ACBD5: variants seen among roughly 807,000 people sequenced by gnomAD.
ACBD5 encodes the protein acyl-CoA-binding domain-containing protein 5.
ACBD5 carries 40 observed loss-of-function variants against 71.8 expected under a neutral mutation model. The ratio of observed to expected loss-of-function variants is 0.56; its 90% confidence interval spans 0.43 to 0.72. The LOEUF (loss-of-function observed/expected upper bound fraction) is 0.72. Ranked by LOEUF, ACBD5 falls within the 30% of genes least tolerant of loss-of-function variation. The pLI, the probability that ACBD5 is intolerant of heterozygous loss-of-function variation, is 0.00. For missense variants in ACBD5, 559 were observed against 644.5 expected, an observed-to-expected ratio of 0.87 and a Z score of 1.44; for synonymous variants, 229 against 218.6, an observed-to-expected ratio of 1.05 and a Z score of -0.42.
intron 7 of ACBD5, among the ~76,000 whole-genome samples, chr10:27,216,936 G>A (rs908051347): frequency 1.3e-5 from 2 of 151,764 alleles, no homozygotes; most frequent in Admixed American, 6.6e-5. Context: ...CACAAGGTCA[G>A]GAGATCGAGA....
intron 5 of ACBD5, among the ~76,000 whole-genome samples, chr10:27,220,754 A>T (rs1049620895): frequency 2.6e-5 from 4 of 152,180 alleles, no homozygotes; most frequent in African/African-American, 9.7e-5. Flanking sequence ...TTGAAAAATA[A>T]CAAAATTGGA....
chr10:27,227,015 T>TTTTTTC, intron 4 of ACBD5, among the ~76,000 whole-genome samples: 1 of 141,300 alleles, frequency 7.1e-6, no homozygotes, highest in Non-Finnish European at 1.6e-5. Context: ...TGCGATTTTT[T>TTTTTTC]TTTTTTTTTT....
intron 3 of ACBD5, among the ~76,000 whole-genome samples, chr10:27,234,606 A>G (rs1477526355): frequency 1.3e-5 from 2 of 152,104 alleles, no homozygotes; most frequent in Non-Finnish European, 2.9e-5. Context: ...CTCCTCCCCA[A>G]GATTTTCCTA....
At chr10:27,227,976 G>A (rs906424871) in intron 4 of ACBD5, among the ~76,000 whole-genome samples, 21 of 151,814 alleles carry the variant, frequency 1.4e-4, no homozygotes, top group African/African-American at 5.1e-4. Flanking sequence ...GCCTCCCAAA[G>A]TGCTGGGATT....
At chr10:27,222,001 T>C (rs1296946037) in intron 5 of ACBD5, among the ~76,000 whole-genome samples, 1 of 151,650 alleles carries the variant, frequency 6.6e-6, no homozygotes, top group African/African-American at 2.4e-5. Context: ...TAAGAAGGAC[T>C]ACTTGTTAAT....
At chr10:27,232,369 C>T (rs2063994798) in intron 3 of ACBD5, 1 of 149,500 alleles carries the variant, frequency 6.7e-6, no homozygotes, top group African/African-American at 2.5e-5. Flanking sequence ...CGCTCTGTTG[C>T]CCAGGCTGGA....
chr10:27,204,375 G>A, intron 12 of ACBD5, 65 bp downstream of exon 12: 1 of 1,228,424 alleles, frequency 8.1e-7, no homozygotes, highest in Non-Finnish European at 1.2e-6. Context: ...AATTGCTGCT[G>A]AAAACTCTGT....
intron 12 of ACBD5, among the ~76,000 whole-genome samples, chr10:27,200,757 C>T (rs926412948): frequency 6.6e-6 from 1 of 152,154 alleles, no homozygotes; most frequent in South Asian, 2.1e-4. Flanking sequence ...CCGCGTCCGG[C>T]CTATTCCTCT....
chr10:27,233,492 T>A (rs1326391606), intron 3 of ACBD5, among the ~76,000 whole-genome samples: 1 of 149,224 alleles, frequency 6.7e-6, no homozygotes, highest in African/African-American at 2.5e-5. Flanking sequence ...CCAAGGCAGG[T>A]GGATCACTTG....
In ACBD5 at chr10:27,228,791, T is replaced by TATATATATA. The variant is rs2063411422; in HGVS notation, c.375+2956_375+2957insTATATATAT. Among the ~76,000 whole-genome samples, 18 of 22,138 alleles carry TATATATATA rather than the reference T, an allele frequency of 8.1e-4. 2 individuals carry two copies. In the Admixed American group the frequency reaches 0.012, roughly 15 times the overall value. The allele number at this position is 22,138 out of a possible 152,430, so 14.5% of individuals were successfully genotyped here. ...TCTATAAAACATAATCCTATTATGT[T>TATATATATA]TATATATATATATATATATATATAT... On this transcript the variant is annotated intron_variant, in intron 4 of 12. Coordinates refer to ENST00000396271, the MANE Select transcript of ACBD5 (RefSeq NM_145698.5).
At chr10:27,229,866 G>A (rs2063625239) in intron 4 of ACBD5, among the ~76,000 whole-genome samples, 1 of 152,118 alleles carries the variant, frequency 6.6e-6, no homozygotes, top group Non-Finnish European at 1.5e-5. Context: ...TGAATGAAAA[G>A]AGTAAATTAT....
chr10:27,222,329 CA>C (rs1344084798), intron 5 of ACBD5, among the ~76,000 whole-genome samples: 3 of 150,974 alleles, frequency 2.0e-5, no homozygotes, highest in South Asian at 4.2e-4. Flanking sequence ...TTAATACCAA[CA>C]AATCTCCCAT....
chr10:27,207,290 A>ATAT (rs1225061211), intron 10 of ACBD5, among the ~76,000 whole-genome samples: 1 of 137,278 alleles, frequency 7.3e-6, no homozygotes, highest in Non-Finnish European at 1.6e-5. Context: ...AAAACCCATA[A>ATAT]TAATAATAAT....
chr10:27,239,027 G>T (rs1431376511), intron 2 of ACBD5, among the ~76,000 whole-genome samples: 2 of 152,026 alleles, frequency 1.3e-5, no homozygotes, highest in African/African-American at 4.8e-5. Context: ...GAGAAACCCC[G>T]TCTCTACTAA....
chr10:27,238,637 A>G (rs16927653), intron 2 of ACBD5, among the ~76,000 whole-genome samples: 6,159 of 152,306 alleles, frequency 0.04, 151 homozygotes, highest in African/African-American at 0.071. Context: ...CAAAAGGTTC[A>G]GACAACACCA....
downstream of ACBD5, among the ~76,000 whole-genome samples, chr10:27,194,911 G>A (rs1332948138): frequency 2.6e-5 from 4 of 151,868 alleles, no homozygotes; most frequent in Non-Finnish European, 4.4e-5. Context: ...CAGGAGAATC[G>A]CTTGAACCTG....
At chr10:27,191,349 C>A (rs2059069095), downstream of ACBD5, among the ~76,000 whole-genome samples, 1 of 152,136 alleles carries the variant, frequency 6.6e-6, no homozygotes, top group Non-Finnish European at 1.5e-5. Flanking sequence ...GGCAGTGAAA[C>A]TACTCTGTAT....
rs1306396333 is a variant in ACBD5 at position 27,195,573 on chromosome 10, A to C, written c.*1857T>G. On this transcript the variant is annotated 3_prime_UTR_variant, in exon 13 of 13. Transcript: ENST00000396271. ...CCAAATTGATATCTCATTTTTGAAA[A>C]TAATCTTTGATCCACAGGTCTAAAT... 2.2e-6 allele frequency: 1 copy of C among 450,078 alleles called. No individual in the cohort carries two copies. Among genetic ancestry groups the C allele is most frequent in the African/African-American group, 2.0e-5 (1 of 49,740 alleles). The allele number at this position is 450,078 out of a possible 1,614,324, so 27.9% of individuals were successfully genotyped here. A position where few individuals can be genotyped will look rare whatever the true frequency, so the allele number is the denominator to read the frequency against.
At chr10:27,199,505 A>G (rs766870916) in intron 12 of ACBD5, among the ~76,000 whole-genome samples, 9 of 152,184 alleles carry the variant, frequency 5.9e-5, no homozygotes, top group Non-Finnish European at 1.3e-4. Context: ...ATAGAAGAAA[A>G]GTCACAGGAA....
Sources: gnomAD v4.1 joint callset for allele counts (sites outside exome capture counted in the v4.1 genomes callset) on GRCh38, gnomAD v4.1.1 for gene constraint, MANE v1.5 for transcripts, NCBI Gene and HGNC (gene_info 2026-07-23, HGNC 2026-07-21) for gene names.